SDCCAG8: variants seen among roughly 807,000 people sequenced by gnomAD.
SDCCAG8 encodes serologically defined colon cancer antigen 8.
In SDCCAG8, 74 loss-of-function variants were observed where a neutral mutation model predicts 101.8. The ratio of observed to expected loss-of-function variants is 0.73; its 90% confidence interval spans 0.60 to 0.88. SDCCAG8 has a LOEUF of 0.88. Among genes scored for constraint, SDCCAG8 ranks in the 40% least tolerant of loss-of-function variants. SDCCAG8 has a pLI of 0.00. For missense variants in SDCCAG8, 787 were observed against 822.6 expected (o/e 0.96, Z 0.53); for synonymous variants, 281 against 292.9 (o/e 0.96, Z 0.41).
In SDCCAG8 at chr1:243,312,051, A is replaced by G. The variant is rs138497057; in HGVS notation, c.929+3874A>G. ...GTTCTGCATTAATGACAGAAAGGAT[A>G]TTAAACCTATTAACACTGAGCGGAT... On this transcript the variant is annotated intron_variant, in intron 8 of 17. Coordinates refer to ENST00000366541, the MANE Select transcript of SDCCAG8 (RefSeq NM_006642.5). Among the ~76,000 whole-genome samples the G allele has an allele frequency of 3.7e-3, 557 of 152,364 alleles. 2 individuals are homozygous for G. The highest frequency in any genetic ancestry group is 6.4e-3 in the Non-Finnish European group (437 of 68,032).
intron 13 of SDCCAG8, among the ~76,000 whole-genome samples, chr1:243,410,966 T>C (rs1175592451): frequency 6.6e-6 from 1 of 152,176 alleles, no homozygotes; most frequent in East Asian, 1.9e-4. Context: ...CCAGTACTTG[T>C]TCACTCCTTT....
intron 17 of SDCCAG8, among the ~76,000 whole-genome samples, chr1:243,497,338 G>GT (rs1668199967): frequency 1.3e-5 from 1 of 79,952 alleles, no homozygotes; most frequent in African/African-American, 6.5e-5. Flanking sequence ...AGGCACGGGT[G>GT]GGGGGGGGGG....
At chr1:243,340,351 A>T (rs1046766033) in intron 10 of SDCCAG8, among the ~76,000 whole-genome samples, 2 of 152,232 alleles carry the variant, frequency 1.3e-5, no homozygotes, top group Admixed American at 1.3e-4. Context: ...TACAAACAAC[A>T]GGCATGACTG....
chr1:243,381,310 C>T (rs546821152), intron 13 of SDCCAG8, among the ~76,000 whole-genome samples: 3 of 152,184 alleles, frequency 2.0e-5, no homozygotes, highest in African/African-American at 7.2e-5. Flanking sequence ...TAAATAGAGG[C>T]CAGGCGCAGT....
At chr1:243,293,335 G>C in intron 6 of SDCCAG8, 116 bp downstream of exon 6, 1 of 1,079,986 alleles carries the variant, frequency 9.3e-7, no homozygotes, top group Non-Finnish European at 1.4e-6. Flanking sequence ...CCATTTTTAA[G>C]CGTACAGTTT....
At chr1:243,484,455 CATA>C (rs1664369694) in intron 16 of SDCCAG8, among the ~76,000 whole-genome samples, 1 of 152,224 alleles carries the variant, frequency 6.6e-6, no homozygotes, top group Non-Finnish European at 1.5e-5. Flanking sequence ...CTTAAAGTGG[CATA>C]ATAATTAGTT....
In SDCCAG8 at chr1:243,350,418, G is replaced by A. The variant is rs112408512; in HGVS notation, c.1473+6087G>A. 9.3e-3 allele frequency among the ~76,000 whole-genome samples: 1,421 copies of A among 152,002 alleles called. 25 individuals are homozygous for A. The highest frequency in any genetic ancestry group is 0.033 in the African/African-American group (1,351 of 41,454). On this transcript the variant is annotated intron_variant, in intron 12 of 17. Transcript: ENST00000366541. The stretch of plus-strand genomic sequence containing the variant: ...TTTTTAGTAGGGACAGGGTTTTACC[G>A]TGTTGCCCAGGCTGGTCTTGAACTC...
chr1:243,330,878 G>T (rs1461690475), intron 10 of SDCCAG8, among the ~76,000 whole-genome samples, 186 bp downstream of exon 10: 1 of 152,136 alleles, frequency 6.6e-6, no homozygotes, highest in Non-Finnish European at 1.5e-5. Flanking sequence ...TTTCTCAATA[G>T]TTTATGCTGA....
chr1:243,489,142 T>C lies in SDCCAG8; in HGVS notation c.2112+2T>C, dbSNP rs1382324300. Reference sequence around the variant, plus strand: ...GAGGTGGACCGGCTGCGGACCCAGGTACTGTGCAGAACGCGGCGCAGGTGG... The same window carrying C: ...GAGGTGGACCGGCTGCGGACCCAGGCACTGTGCAGAACGCGGCGCAGGTGG... On this transcript the variant is annotated splice_donor_variant, in intron 17 of 17. Transcript: ENST00000366541. LOFTEE classifies it high-confidence loss of function. 2.5e-6 allele frequency: 4 copies of C among 1,611,838 alleles called. No homozygotes were observed. Among genetic ancestry groups the C allele is most frequent in the Non-Finnish European group, 3.4e-6 (4 of 1,179,806 alleles).
rs1046777825 is a variant in SDCCAG8, at chr1:243,474,752, G to A, written c.1986-14262G>A. ...CCGGGACGCGGCGTGGCAGCGCAGG[G>A]CTCGGCTAGATGCGCTCCTCCTCGG... On this transcript the variant is annotated intron_variant, in intron 16 of 17. Transcript: ENST00000366541. This position sits in a 1 kb window ranked among gnomAD's most constrained non-coding sequence, Gnocchi z 4.7. Among the ~76,000 whole-genome samples, 1 of 152,244 alleles carries A rather than the reference G, an allele frequency of 6.6e-6. No homozygotes were observed. The highest frequency in any genetic ancestry group is 2.4e-5 in the African/African-American group (1 of 41,474).
chr1:243,415,628 G>T, intron 13 of SDCCAG8, 74 bp from the exon 14 acceptor site: 1 of 1,598,162 alleles, frequency 6.3e-7, no homozygotes. Context: ...AGCTCTCTCT[G>T]GTCTATAGGG....
At chr1:243,486,366 G>T (rs190364911) in intron 16 of SDCCAG8, among the ~76,000 whole-genome samples, 71 of 152,228 alleles carry the variant, frequency 4.7e-4, no homozygotes, top group Non-Finnish European at 9.0e-4. Flanking sequence ...CACAGCAGGG[G>T]TGCTTCTGTG....
chr1:243,259,372 A>G (rs564990615), intron 1 of SDCCAG8, among the ~76,000 whole-genome samples: 1 of 152,016 alleles, frequency 6.6e-6, no homozygotes, highest in Non-Finnish European at 1.5e-5. Context: ...GCGCCACTGC[A>G]CTCCAGCCTG....
intron 16 of SDCCAG8, among the ~76,000 whole-genome samples, chr1:243,478,650 G>A (rs1662876619): frequency 6.6e-6 from 1 of 152,058 alleles, no homozygotes; most frequent in African/African-American, 2.4e-5. Context: ...ATTTAGGCAC[G>A]GGAAATGTAA....
chr1:243,318,027 G>T (rs2073413783), intron 9 of SDCCAG8: 1 of 456,442 alleles, frequency 2.2e-6, no homozygotes, highest in African/African-American at 2.0e-5. Flanking sequence ...CATGTGAATT[G>T]TCATTGCAGC....
chr1:243,338,981 GACCTCA>G (rs2075210831), intron 10 of SDCCAG8: 1 of 145,194 alleles, frequency 6.9e-6, no homozygotes, highest in Non-Finnish European at 1.6e-5. Context: ...CAGGAGGGGA[GACCTCA>G]GAAAGTGGGG....
At chr1:243,499,639 GGTTT>G (rs1669009950) in intron 17 of SDCCAG8, 113 bp from the exon 18 acceptor site, 1 of 825,006 alleles carries the variant, frequency 1.2e-6, no homozygotes, top group Non-Finnish European at 2.1e-6. Context: ...TTTAGCAACA[GGTTT>G]TTTTCTCCAA....
chr1:243,290,994 A>G (rs1200749114), intron 5 of SDCCAG8, among the ~76,000 whole-genome samples: 1 of 152,190 alleles, frequency 6.6e-6, no homozygotes, highest in Non-Finnish European at 1.5e-5. Context: ...TCTGAACACC[A>G]TAGGTGTTAC....
intron 16 of SDCCAG8, among the ~76,000 whole-genome samples, chr1:243,439,757 C>CATCA (rs1322019163): frequency 6.6e-6 from 1 of 151,960 alleles, no homozygotes; most frequent in Non-Finnish European, 1.5e-5. Flanking sequence ...ACTTACCCAA[C>CATCA]ATCACATAGC....
Sources: allele counts gnomAD v4.1 joint callset (sites outside exome capture counted in the v4.1 genomes callset), GRCh38; gene constraint gnomAD v4.1.1; non-coding constraint Gnocchi (gnomAD v3.1); transcripts MANE v1.5; gene names NCBI Gene and HGNC (gene_info 2026-07-23, HGNC 2026-07-21).